The following ATRNL1 variants were observed in gnomAD, a reference collection of about 807,000 sequenced individuals.
The protein encoded by ATRNL1 is attractin like 1.
Under a neutral mutation model 182.7 loss-of-function variants are expected in ATRNL1, and 95 were observed. That is an observed-to-expected ratio of 0.52 (90% confidence interval 0.44 to 0.62). The LOEUF (loss-of-function observed/expected upper bound fraction) is 0.62, where lower values mean the gene tolerates loss of function less well. Among genes scored for constraint, ATRNL1 ranks in the 20% least tolerant of loss-of-function variants. The pLI is 0.00. For synonymous variants in ATRNL1, 576 were observed against 568.3 expected (o/e 1.01, Z -0.19); for missense variants, 1,471 against 1,679.5 (o/e 0.88, Z 2.17).
intron 1 of ATRNL1, among the ~76,000 whole-genome samples, chr10:115,098,686 T>C (rs2085083378): frequency 6.6e-6 from 1 of 151,866 alleles, no homozygotes; most frequent in African/African-American, 2.4e-5. Flanking sequence ...CTCGATCTCC[T>C]GACCTCGTGA....
intron 19 of ATRNL1, among the ~76,000 whole-genome samples, chr10:115,352,792 C>A (rs1392185503): frequency 1.3e-5 from 2 of 151,934 alleles, no homozygotes; most frequent in Non-Finnish European, 2.9e-5. Flanking sequence ...CCCAGCTACT[C>A]GGGAGGCTGA....
chr10:115,790,936 G>A (rs1949516965), intron 27 of ATRNL1, among the ~76,000 whole-genome samples: 1 of 152,156 alleles, frequency 6.6e-6, no homozygotes, highest in Admixed American at 6.5e-5. Flanking sequence ...TGCCAAACCA[G>A]TGCAGTTCCT....
chr10:115,931,882 C>A (rs1379992221), intron 28 of ATRNL1, among the ~76,000 whole-genome samples: 1 of 152,224 alleles, frequency 6.6e-6, no homozygotes, highest in African/African-American at 2.4e-5. Context: ...ATTGTGGAAC[C>A]GGTCTATGAG....
At chr10:115,527,447 C>T (rs1851281172) in intron 25 of ATRNL1, among the ~76,000 whole-genome samples, 1 of 152,060 alleles carries the variant, frequency 6.6e-6, no homozygotes, top group African/African-American at 2.4e-5. Flanking sequence ...GTGGTTGGCA[C>T]AATGGAGTTA....
At chr10:115,737,279 C>A (rs78703463) in intron 27 of ATRNL1, among the ~76,000 whole-genome samples, 4,903 of 119,504 alleles carry the variant, frequency 0.041, 270 homozygotes, top group African/African-American at 0.13. Context: ...TCCCCCCCCC[C>A]CAAAAAAAAA....
chr10:115,819,134 T>C (rs564747781), intron 27 of ATRNL1, among the ~76,000 whole-genome samples: 5 of 152,056 alleles, frequency 3.3e-5, no homozygotes, highest in Admixed American at 3.3e-4. Context: ...TAATTTCAGC[T>C]CCTCTTCAGA....
chr10:115,758,828 C>T (rs1482687736), intron 27 of ATRNL1, among the ~76,000 whole-genome samples: 11 of 152,314 alleles, frequency 7.2e-5, no homozygotes, highest in African/African-American at 1.7e-4. Flanking sequence ...GGGTAAAACC[C>T]GCCTACTCAA....
At chr10:115,622,882 G>A (rs550328261) in intron 26 of ATRNL1, among the ~76,000 whole-genome samples, 3 of 152,004 alleles carry the variant, frequency 2.0e-5, no homozygotes, top group East Asian at 1.9e-4. Context: ...AGCCGAGATC[G>A]CGCCACTCCA....
intron 19 of ATRNL1, among the ~76,000 whole-genome samples, chr10:115,367,043 T>G (rs1246590919): frequency 7.8e-6 from 1 of 127,986 alleles, no homozygotes; most frequent in Non-Finnish European, 1.6e-5. Flanking sequence ...TTCTCTGTAT[T>G]TCCTGAATCT....
At chr10:115,096,396 A>G (rs1554863140) in intron 1 of ATRNL1, among the ~76,000 whole-genome samples, 1 of 152,218 alleles carries the variant, frequency 6.6e-6, no homozygotes. Flanking sequence ...GGTAAAGTAC[A>G]TGCAAATAAA....
At chr10:115,174,193 T>C (rs1331667222) in intron 8 of ATRNL1, among the ~76,000 whole-genome samples, 1 of 151,786 alleles carries the variant, frequency 6.6e-6, no homozygotes, top group African/African-American at 2.4e-5. Flanking sequence ...ATCTAGACTT[T>C]ATGAGGAATT....
intron 24 of ATRNL1, among the ~76,000 whole-genome samples, chr10:115,501,073 C>G (rs1392058353): frequency 6.6e-6 from 1 of 151,830 alleles, no homozygotes; most frequent in Non-Finnish European, 1.5e-5. Context: ...GCTGAGATTA[C>G]AGGCACCCAC....
chr10:115,633,618 G>A (rs1465706983), intron 26 of ATRNL1, among the ~76,000 whole-genome samples: 5 of 152,038 alleles, frequency 3.3e-5, no homozygotes, highest in African/African-American at 1.2e-4. Context: ...TTAATTGTTT[G>A]CAAGATAGAT....
intron 26 of ATRNL1, among the ~76,000 whole-genome samples, chr10:115,652,041 A>G (rs11197380): frequency 0.012 from 1,778 of 152,208 alleles, 36 homozygotes; most frequent in African/African-American, 0.04. Context: ...TTAAATGACC[A>G]TTTTGTTCAC....
chr10:115,535,440 C>A (rs1288619092), intron 25 of ATRNL1, among the ~76,000 whole-genome samples: 3 of 149,704 alleles, frequency 2.0e-5, no homozygotes, highest in African/African-American at 4.9e-5. Context: ...AGTTCTCAAG[C>A]CTTGGTTTTC....
intron 5 of ATRNL1, among the ~76,000 whole-genome samples, chr10:115,143,272 T>C (rs922441685): frequency 1.3e-5 from 2 of 152,196 alleles, no homozygotes; most frequent in African/African-American, 2.4e-5. Flanking sequence ...ACTTATTTTG[T>C]TGCCTCTGAC....
At chr10:115,260,988 T>A (rs1851368075) in intron 10 of ATRNL1, among the ~76,000 whole-genome samples, 7 of 151,868 alleles carry the variant, frequency 4.6e-5, no homozygotes, top group Admixed American at 4.6e-4. Context: ...GGGATTGAAG[T>A]ACACAAATTT....
In ATRNL1 at chr10:115,281,492, A is replaced by C; in HGVS notation, c.2233+5A>C. The C allele has an allele frequency of 6.2e-7, 1 of 1,612,374 alleles. No individual in the cohort carries two copies. Among genetic ancestry groups the C allele is most frequent in the Non-Finnish European group, 8.5e-7 (1 of 1,179,266 alleles). ...AAGAATGCCAGGCTTTACCAGGTAA[A>C]GATTTCAAAATTTAGTAAATGAGTT... On this transcript the variant is annotated splice_donor_5th_base_variant and intron_variant, in intron 14 of 28. Coordinates refer to ENST00000355044, the MANE Select transcript of ATRNL1 (RefSeq NM_207303.4).
chr10:115,612,098 A>G (rs1857190645), intron 26 of ATRNL1, among the ~76,000 whole-genome samples: 1 of 152,132 alleles, frequency 6.6e-6, no homozygotes, highest in Admixed American at 6.5e-5. Flanking sequence ...TAAAAATACA[A>G]AAACTTAACC....
Sources: allele counts gnomAD v4.1 joint callset (sites outside exome capture counted in the v4.1 genomes callset), GRCh38; gene constraint gnomAD v4.1.1; transcripts MANE v1.5; gene names NCBI Gene and HGNC (gene_info 2026-07-23, HGNC 2026-07-21).